Variants in SAE1 observed in about 807,000 individuals in gnomAD.
The protein encoded by SAE1 is SUMO1 activating enzyme subunit 1.
SAE1 carries 11 observed loss-of-function variants against 40.6 expected under a neutral mutation model. The ratio of observed to expected loss-of-function variants is 0.27; its 90% CI spans 0.17 to 0.45. The LOEUF (loss-of-function observed/expected upper bound fraction) is 0.45, where lower values mean the gene tolerates loss of function less well. Ranked by LOEUF, SAE1 falls within the 20% of genes least tolerant of loss-of-function variation. The pLI is 1.00. For missense variants in SAE1, 373 were observed against 427.3 expected, an observed-to-expected ratio of 0.87 and a Z score of 1.12; for synonymous variants, 155 against 154.3, an observed-to-expected ratio of 1.00 and a Z score of -0.03.
intron 1 of SAE1, among the ~76,000 whole-genome samples, chr19:47,142,309 G>C (rs2058227063): frequency 6.6e-6 from 1 of 151,632 alleles, no homozygotes; most frequent in Non-Finnish European, 1.5e-5. Flanking sequence ...GCTTGGACCT[G>C]GGAGGCGGAG....
intron 8 of SAE1, among the ~76,000 whole-genome samples, chr19:47,206,493 C>A (rs1171311622): frequency 6.6e-6 from 1 of 152,138 alleles, no homozygotes; most frequent in East Asian, 1.9e-4. Context: ...TTGCGTCTTT[C>A]CTTTCTTACG....
chr19:47,207,152 G>A (rs1350535118), intron 8 of SAE1, among the ~76,000 whole-genome samples: 2 of 152,150 alleles, frequency 1.3e-5, no homozygotes, highest in East Asian at 3.9e-4. Flanking sequence ...GGTATGGGAG[G>A]ATATCTGGAG....
At chr19:47,185,067 G>A (rs117201178) in intron 6 of SAE1, among the ~76,000 whole-genome samples, 7 of 151,554 alleles carry the variant, frequency 4.6e-5, no homozygotes, top group South Asian at 2.1e-4. Context: ...TGATCCACCC[G>A]CCTCGGCCTT....
At chr19:47,158,434 G>A (rs1371018459) in intron 5 of SAE1, among the ~76,000 whole-genome samples, 1 of 152,134 alleles carries the variant, frequency 6.6e-6, no homozygotes, top group African/African-American at 2.4e-5. Context: ...ATCAGGTCTC[G>A]GGCACAAGCC....
intron 6 of SAE1, among the ~76,000 whole-genome samples, chr19:47,185,426 T>A (rs900762455): frequency 6.6e-6 from 1 of 151,570 alleles, no homozygotes; most frequent in African/African-American, 2.4e-5. Flanking sequence ...TGCCTCAGCT[T>A]CCCAAGTAGC....
At chr19:47,156,447 C>G (rs561641252) in intron 5 of SAE1, among the ~76,000 whole-genome samples, 13 of 151,878 alleles carry the variant, frequency 8.6e-5, no homozygotes, top group African/African-American at 3.1e-4. Flanking sequence ...ACACTGCACT[C>G]CAGCCTGGCG....
intron 6 of SAE1, among the ~76,000 whole-genome samples, chr19:47,187,387 T>C (rs1226604742): frequency 1.3e-5 from 2 of 152,212 alleles, no homozygotes; most frequent in Non-Finnish European, 2.9e-5. Context: ...GCTTTTTTCT[T>C]TTTTTCTTGC....
intron 1 of SAE1, among the ~76,000 whole-genome samples, chr19:47,134,996 TTTTTGTCCA>T (rs2058169508): frequency 6.6e-6 from 1 of 152,168 alleles, no homozygotes; most frequent in Non-Finnish European, 1.5e-5. Context: ...ATTAAAGTGT[TTTTTGTCCA>T]TTTTCAGCCG....
intron 2 of SAE1, among the ~76,000 whole-genome samples, chr19:47,148,312 A>G (rs1042286388): frequency 6.6e-6 from 1 of 151,980 alleles, no homozygotes; most frequent in African/African-American, 2.4e-5. Context: ...ATTTTCTTGG[A>G]GGAGAAGGTA....
Position 47,166,853 on chromosome 19 carries a change from T to G in SAE1, c.628-2965T>G, listed in dbSNP as rs74595849. ...CAAACAGACCCATTGACCAAAAGAT[T>G]TGAGGGCAGTGAAAACATCTTGTAT... On this transcript the variant is annotated intron_variant, in intron 5 of 8. Coordinates refer to ENST00000270225, the MANE Select transcript of SAE1 (RefSeq NM_005500.3). 2.9e-3 allele frequency among the ~76,000 whole-genome samples: 437 copies of G among 152,310 alleles called. 3 individuals are homozygous for G. Among genetic ancestry groups the G allele is most frequent in the African/African-American group, 9.9e-3 (412 of 41,564 alleles).
chr19:47,134,582 T>G (rs947623218), intron 1 of SAE1, among the ~76,000 whole-genome samples: 2 of 152,004 alleles, frequency 1.3e-5, no homozygotes, highest in Non-Finnish European at 2.9e-5. Flanking sequence ...TGGAGGAAAC[T>G]TTGAGGAAGC....
At chr19:47,196,333 CTTTTTTTTTTTTTT>C (rs61498882) in intron 6 of SAE1, among the ~76,000 whole-genome samples, 11 of 27,888 alleles carry the variant, frequency 3.9e-4, no homozygotes, top group Admixed American at 1.4e-3. Context: ...CCGCGCCTGG[CTTTTTTTTTTTTTT>C]TTTTTTTTTT....
chr19:47,164,138 C>T (rs536869582), intron 5 of SAE1, among the ~76,000 whole-genome samples: 1 of 152,196 alleles, frequency 6.6e-6, no homozygotes, highest in East Asian at 1.9e-4. Flanking sequence ...TTCCCCAAAT[C>T]TGCTTTGGAG....
chr19:47,155,032 T>G lies in SAE1; in HGVS notation c.528-82T>G, dbSNP rs565387720. The G allele has an allele frequency of 1.3e-5, 11 of 859,574 alleles. No individual in the cohort carries two copies. The East Asian group carries it at 2.7e-4, about 21-fold the overall frequency. The allele number at this position is 859,574 out of a possible 1,614,324, so 53.2% of individuals were successfully genotyped here. Reference sequence around the variant, plus strand: ...TTTGCCCTTAACCACCATCCCGATCTGTGACCTGGAGAGGCTTTTTTTGAT... The same window carrying G: ...TTTGCCCTTAACCACCATCCCGATCGGTGACCTGGAGAGGCTTTTTTTGAT... On this transcript the variant is annotated intron_variant, in intron 4 of 8. Transcript: ENST00000270225.
intron 6 of SAE1, among the ~76,000 whole-genome samples, chr19:47,196,571 C>G (rs1439205398): frequency 7.2e-6 from 1 of 138,640 alleles, no homozygotes; most frequent in Non-Finnish European, 1.6e-5. Flanking sequence ...ACTATGTTGG[C>G]CAGGCTGGTC....
intron 5 of SAE1, among the ~76,000 whole-genome samples, chr19:47,156,038 CA>C (rs1480615414): frequency 2.8e-4 from 42 of 152,002 alleles, no homozygotes; most frequent in African/African-American, 1.0e-3. Flanking sequence ...CATGCCCGAC[CA>C]GAAAACTTTT....
chr19:47,207,899 G>A (rs1417163583), intron 8 of SAE1, among the ~76,000 whole-genome samples: 1 of 152,022 alleles, frequency 6.6e-6, no homozygotes, highest in African/African-American at 2.4e-5. Flanking sequence ...GCCTCCCTAA[G>A]TGCTGGGATT....
In SAE1 at chr19:47,201,922, C is replaced by T. The variant is rs1270499043; in HGVS notation, c.879-1749C>T. ...TGCTGGGATTACAGATGTGAGCCACCGCACCCAGCCCTAGTTCTCCATGTA... is the reference window on the plus strand; with the variant it reads ...TGCTGGGATTACAGATGTGAGCCACTGCACCCAGCCCTAGTTCTCCATGTA... On this transcript the variant is annotated intron_variant, in intron 7 of 8. Transcript: ENST00000270225. Among the ~76,000 whole-genome samples, 27 of 152,148 alleles carry T rather than the reference C, an allele frequency of 1.8e-4. 1 individual carries two copies. In the South Asian group the frequency reaches 4.4e-3, roughly 25 times the overall value.
intron 6 of SAE1, among the ~76,000 whole-genome samples, chr19:47,173,836 G>A (rs1179876064): frequency 6.7e-6 from 1 of 150,012 alleles, no homozygotes; most frequent in Non-Finnish European, 1.5e-5. Flanking sequence ...CCAGGCTGGA[G>A]TGCAGTGGTG....
Sources: gnomAD v4.1 joint callset for allele counts (sites outside exome capture counted in the v4.1 genomes callset) on GRCh38, gnomAD v4.1.1 for gene constraint, MANE v1.5 for transcripts, NCBI Gene and HGNC (gene_info 2026-07-23, HGNC 2026-07-21) for gene names.